CARD8: variants seen among roughly 807,000 people sequenced by gnomAD.
CARD8 encodes caspase recruitment domain family member 8.
A neutral mutation model predicts 53.2 loss-of-function variants in CARD8; 38 were observed. That is an observed-to-expected ratio of 0.71 (90% CI 0.55 to 0.94). CARD8 has a LOEUF of 0.94. Ranked by LOEUF, CARD8 falls within the 40% of genes least tolerant of loss-of-function variation. The probability of loss-of-function intolerance (pLI) is 0.00; values close to 1 mark genes in which losing one functional copy is unlikely to be tolerated. For synonymous variants in CARD8, 245 were observed against 244.9 expected (o/e 1.00, Z 0.00); for missense variants, 561 against 655.5 (o/e 0.86, Z 1.57).
downstream of CARD8, chr19:48,204,056 G>A (rs925733808): frequency 1.9e-5 from 8 of 420,278 alleles, no homozygotes; most frequent in African/African-American, 1.0e-4. Flanking sequence ...GGAGAGGAGT[G>A]GGGAGGAGCT....
intron 12 of CARD8, among the ~76,000 whole-genome samples, chr19:48,216,530 C>T (rs867350224): frequency 6.6e-6 from 1 of 152,176 alleles, no homozygotes; most frequent in Non-Finnish European, 1.5e-5. Context: ...ATCATCCAAC[C>T]CTGCAATGTG....
chr19:48,215,338 A>C lies in CARD8; in HGVS notation c.1348+2T>G. The C allele has an allele frequency of 6.2e-7, 1 of 1,608,378 alleles. No homozygotes were observed. Among genetic ancestry groups the C allele is most frequent in the South Asian group, 1.1e-5 (1 of 90,940 alleles). On this transcript the variant is annotated splice_donor_variant, in intron 13 of 13. Transcript: ENST00000651546. LOFTEE classifies it high-confidence loss of function. The stretch of plus-strand genomic sequence containing the variant: ...TGGCTTTAATGTAAACATTTCACTT[A>C]CCTGAGAAAGGAGGAGGGGCTGATG...
At chr19:48,249,196 CAA>C (rs780589520) in intron 3 of CARD8, among the ~76,000 whole-genome samples, 11 of 101,110 alleles carry the variant, frequency 1.1e-4, no homozygotes, top group Non-Finnish European at 8.3e-5. Flanking sequence ...GACTCCGTCT[CAA>C]AAAAAAAAAA....
intron 13 of CARD8, among the ~76,000 whole-genome samples, chr19:48,214,769 C>CTTTTTTTTTTTTTTTTTTTTTT (rs531199248): frequency 1.1e-5 from 1 of 89,564 alleles, no homozygotes; most frequent in Non-Finnish European, 2.0e-5. Flanking sequence ...TGCTATAAAG[C>CTTTTTTTTTTTTTTTTTTTTTT]TTTTTTTTTT....
intron 6 of CARD8, 151 bp downstream of exon 6, chr19:48,234,252 A>T: frequency 1.3e-6 from 1 of 753,592 alleles, no homozygotes; most frequent in Non-Finnish European, 2.1e-6. Flanking sequence ...GTTTGTTTCA[A>T]AAATTTCTGG....
Position 48,208,137 on chromosome 19 carries a change from T to C in CARD8, c.*3573A>G, listed in dbSNP as rs1568597594. On this transcript the variant is annotated 3_prime_UTR_variant, in exon 14 of 14. Transcript: ENST00000651546. The stretch of plus-strand genomic sequence containing the variant: ...TAACCTATTTTTTTATTTTTGTAAA[T>C]TTATGAAGTACATTCTTCAAATGTA... 1.3e-5 allele frequency: 2 copies of C among 152,130 alleles called. No homozygotes were observed. The highest frequency in any genetic ancestry group is 2.9e-5 in the Non-Finnish European group (2 of 68,036). The allele number at this position is 152,130 out of a possible 1,614,324, so 9.4% of individuals were successfully genotyped here.
intron 13 of CARD8, 61 bp from the exon 14 acceptor site, chr19:48,212,036 T>C (rs1271381520): frequency 1.3e-6 from 2 of 1,514,586 alleles, no homozygotes; most frequent in South Asian, 2.5e-5. Flanking sequence ...TCAGGATCTA[T>C]ACCAAGCTTA....
chr19:48,232,020 A>G (rs2042998295), intron 7 of CARD8: 1 of 658,072 alleles, frequency 1.5e-6, no homozygotes, highest in East Asian at 2.9e-5. Flanking sequence ...TATACACCAA[A>G]TTCCATAAGA....
chr19:48,237,752 G>A (rs777669737), intron 5 of CARD8, among the ~76,000 whole-genome samples: 18 of 151,390 alleles, frequency 1.2e-4, no homozygotes, highest in Non-Finnish European at 2.2e-4. Context: ...AGCCAAGATC[G>A]TGCCACTGCA....
downstream of CARD8, chr19:48,204,186 T>G: frequency 2.2e-6 from 1 of 455,876 alleles, no homozygotes; most frequent in Non-Finnish European, 4.4e-6. Context: ...GTCTCCATGG[T>G]TACGAGCCGC....
chr19:48,227,150 T>C (rs954896916), intron 10 of CARD8, among the ~76,000 whole-genome samples: 2 of 151,592 alleles, frequency 1.3e-5, no homozygotes, highest in Non-Finnish European at 2.9e-5. Context: ...CACTAGAGTA[T>C]GGCTTGAATG....
intron 8 of CARD8, among the ~76,000 whole-genome samples, chr19:48,231,365 C>T (rs1239825011): frequency 1.3e-5 from 2 of 152,056 alleles, no homozygotes; most frequent in South Asian, 2.1e-4. Context: ...AGTGCAGTGG[C>T]GAGATCTCAT....
At chr19:48,248,123 G>A (rs752334570) in intron 3 of CARD8, among the ~76,000 whole-genome samples, 3 of 152,046 alleles carry the variant, frequency 2.0e-5, no homozygotes, top group Admixed American at 6.6e-5. Context: ...AGAAAAAAAT[G>A]CAAAATTACA....
chr19:48,219,404 G>C (rs151262023), intron 11 of CARD8, among the ~76,000 whole-genome samples: 1 of 152,022 alleles, frequency 6.6e-6, no homozygotes, highest in East Asian at 1.9e-4. Flanking sequence ...CTGGGAAGCC[G>C]GGGTCAGATA....
intron 8 of CARD8, 144 bp downstream of exon 8, chr19:48,231,516 G>T: frequency 1.3e-6 from 1 of 757,036 alleles, no homozygotes; most frequent in Non-Finnish European, 2.1e-6. Context: ...TGTTGGCCAG[G>T]CTGGTCTCGA....
At chr19:48,213,617 A>G (rs1267140102) in intron 13 of CARD8, among the ~76,000 whole-genome samples, 1 of 152,088 alleles carries the variant, frequency 6.6e-6, no homozygotes, top group Non-Finnish European at 1.5e-5. Flanking sequence ...CAGGTGATCC[A>G]CCTGCCTCGG....
chr19:48,223,858 TAAAATA>T (rs998505012), intron 10 of CARD8: 8 of 456,188 alleles, frequency 1.8e-5, no homozygotes, highest in African/African-American at 4.0e-5. Context: ...CCTCAGCCTC[TAAAATA>T]GTGTCTGGAA....
At chr19:48,250,458 C>A (rs1296745373) in intron 1 of CARD8, among the ~76,000 whole-genome samples, 1 of 152,302 alleles carries the variant, frequency 6.6e-6, no homozygotes, top group East Asian at 1.9e-4. Context: ...TAAGACCCCC[C>A]CTCTTCATGG....
rs2038972705 is a variant in CARD8 at position 48,215,018 on chromosome 19, G to A, written c.1348+322C>T. 4 of 200,922 alleles carry A rather than the reference G, an allele frequency of 2.0e-5. No homozygotes were observed. In the South Asian group the frequency reaches 3.2e-4, roughly 16 times the overall value. The allele number at this position is 200,922 out of a possible 1,614,324, so 12.4% of individuals were successfully genotyped here. On this transcript the variant is annotated intron_variant, in intron 13 of 13. Transcript: ENST00000651546. ...TTGCCCAGGCTGGTCTCGAACTCCT[G>A]AGCTCAAGCAATCCACCTGCCTCGG... is the stretch of plus-strand genomic sequence containing the variant.
Sources: allele counts gnomAD v4.1 joint callset (sites outside exome capture counted in the v4.1 genomes callset), GRCh38; gene constraint gnomAD v4.1.1; transcripts MANE v1.5; gene names NCBI Gene and HGNC (gene_info 2026-07-23, HGNC 2026-07-21).